MRE11: variants seen among roughly 807,000 people sequenced by gnomAD.
MRE11 encodes the protein MRE11 double strand break repair nuclease, also known as double-strand break repair protein MRE11.
A neutral mutation model predicts 91.7 loss-of-function variants in MRE11; 62 were observed. The observed-to-expected ratio is 0.68, with a 90% CI of 0.55 to 0.84. The LOEUF (loss-of-function observed/expected upper bound fraction) is 0.84. MRE11 is among the 40% of genes least tolerant of loss of function. The pLI is 0.00. For synonymous variants in MRE11, 273 were observed against 271.4 expected, an observed-to-expected ratio of 1.01 and a Z score of -0.06; for missense variants, 796 against 852.9, an observed-to-expected ratio of 0.93 and a Z score of 0.83.
chr11:94,498,598 A>G, upstream of MRE11: 1 of 1,367,008 alleles, frequency 7.3e-7, no homozygotes, highest in East Asian at 2.3e-5. Flanking sequence ...GTATTCCCAT[A>G]ATCAAAGTTG....
chr11:94,475,741 C>G (rs895759256), intron 7 of MRE11: 2 of 410,796 alleles, frequency 4.9e-6, no homozygotes, highest in African/African-American at 4.2e-5. Context: ...ATGTTCATAA[C>G]AGCAAGGTTT....
intron 16 of MRE11, among the ~76,000 whole-genome samples, chr11:94,438,498 T>C (rs1945685561): frequency 6.6e-6 from 1 of 152,238 alleles, no homozygotes. Flanking sequence ...CTCAAAAGGC[T>C]AGACAGAGCA....
intron 17 of MRE11, 80 bp from the exon 18 acceptor site, chr11:94,435,979 C>T (rs748053781): frequency 8.0e-6 from 10 of 1,257,656 alleles, no homozygotes; most frequent in Non-Finnish European, 7.0e-6. Context: ...ATGAATTACA[C>T]GATTAAATCT....
rs372000848 is a variant in MRE11 at position 94,470,575 on chromosome 11, G to A, written c.913C>T (p.Arg305Trp). Residue 305 changes from arginine (R) to tryptophan (W), a missense_variant, in exon 9 of 20, where the codon CGG becomes TGG. Physicochemically the swap from Arg to Trp is moderately radical, Grantham distance 101. Coordinates refer to ENST00000323929, the MANE Select transcript of MRE11 (RefSeq NM_005591.4). ...ACAATATCCTCCATGAAAAACTGCC[G>A]CACTGTGTGAAGAGGAATTTTATGC... is the stretch of plus-strand genomic sequence containing the variant. ...NMHKIPLHTV[R>W]QFFMEDIVLA... 5.0e-5 allele frequency: 81 copies of A among 1,613,034 alleles called. No individual in the cohort carries two copies. The highest frequency in any genetic ancestry group is 6.0e-5 in the Non-Finnish European group (71 of 1,179,340).
chr11:94,467,922 A>T, intron 9 of MRE11, 29 bp from the exon 10 acceptor site: 1 of 1,572,790 alleles, frequency 6.4e-7, no homozygotes, highest in Non-Finnish European at 8.7e-7. Context: ...ATTAAAAAAC[A>T]ACGTAGTAAA....
rs1946602132 is a variant in MRE11 at position 94,467,738 on chromosome 11, C to T, written c.1098+75G>A. 6.7e-6 allele frequency: 9 copies of T among 1,342,086 alleles called. No individual in the cohort carries two copies. The East Asian group carries it at 1.9e-4, about 28-fold the overall frequency. The allele number at this position is 1,342,086 out of a possible 1,614,324, so 83.1% of individuals were successfully genotyped here. On this transcript the variant is annotated intron_variant, in intron 10 of 19. Transcript: ENST00000323929. Reference sequence around the variant, plus strand: ...TATGAGCACTCTCCTCACTACTTTTCAAAGAAACCATGTAAACTGTACATT... The same window carrying T: ...TATGAGCACTCTCCTCACTACTTTTTAAAGAAACCATGTAAACTGTACATT...
rs770383803 is a variant in MRE11, at chr11:94,478,855, C to T, written c.424G>A (p.Asp142Asn). The stretch of plus-strand genomic sequence containing the variant: ...ACAAATCCAGCACAACTTAAAATGT[C>T]CAAGGCACAAAGTGCATCTGCCTAT... Reference protein sequence around the residue: ...PTGADALCALDILSCAGFVNH... With the variant: ...PTGADALCALNILSCAGFVNH... Residue 142 changes from aspartate (D) to asparagine (N), a missense_variant, in exon 6 of 20, where the codon GAC (aspartate) becomes AAC (asparagine). By Grantham distance (23) the Asp-to-Asn change is conservative. Transcript: ENST00000323929. 1 of 1,613,770 alleles carries T rather than the reference C, an allele frequency of 6.2e-7. No homozygotes were observed. Among genetic ancestry groups the T allele is most frequent in the Non-Finnish European group, 8.5e-7 (1 of 1,179,860 alleles).
chr11:94,420,031 G>A lies in MRE11; in HGVS notation c.*94C>T. The A allele has an allele frequency of 9.8e-7, 1 of 1,025,204 alleles. No individual in the cohort carries two copies. The highest frequency in any genetic ancestry group is 1.5e-6 in the Non-Finnish European group (1 of 679,710). 63.5% of individuals were successfully genotyped at this position (1,025,204 alleles called of 1,614,324 possible). ...TTCTTACTTATGGAGTTATGCTCAGGAAACAATACTTAAAATCTTAAACTG... is the reference window on the plus strand; with the variant it reads ...TTCTTACTTATGGAGTTATGCTCAGAAAACAATACTTAAAATCTTAAACTG... On this transcript the variant is annotated 3_prime_UTR_variant, in exon 20 of 20. Transcript: ENST00000323929.
chr11:94,432,596 A>C (rs1225997883), intron 18 of MRE11, among the ~76,000 whole-genome samples: 2 of 152,216 alleles, frequency 1.3e-5, no homozygotes, highest in Non-Finnish European at 2.9e-5. Flanking sequence ...TCACGAGGTC[A>C]GGAGATCCAG....
intron 3 of MRE11, among the ~76,000 whole-genome samples, chr11:94,487,796 A>G (rs1331171630): frequency 1.3e-5 from 2 of 152,236 alleles, no homozygotes; most frequent in Admixed American, 1.3e-4. Flanking sequence ...AACCTGGGTG[A>G]CGGGTAAGGA....
the MRE11 span, among the ~76,000 whole-genome samples, chr11:94,506,948 G>A: frequency 1.3e-5 from 2 of 151,780 alleles, no homozygotes; most frequent in Non-Finnish European, 2.9e-5. Context: ...ACATTTTTAT[G>A]AGTAAAAATA....
intron 16 of MRE11, among the ~76,000 whole-genome samples, chr11:94,437,857 G>T (rs1175320021): frequency 6.6e-6 from 1 of 152,128 alleles, no homozygotes; most frequent in Non-Finnish European, 1.5e-5. Context: ...AGGCGCAGTG[G>T]CTCACGCCTG....
intron 18 of MRE11, among the ~76,000 whole-genome samples, chr11:94,435,453 G>A (rs1428004875): frequency 1.3e-5 from 2 of 152,166 alleles, no homozygotes; most frequent in African/African-American, 2.4e-5. Flanking sequence ...CTATTCAGGA[G>A]GCTGAGGTGG....
intron 10 of MRE11, among the ~76,000 whole-genome samples, chr11:94,467,349 G>GA (rs35308961): frequency 1.9e-4 from 29 of 151,954 alleles, no homozygotes; most frequent in Non-Finnish European, 3.7e-4. Context: ...GTGTTACGGG[G>GA]AAAAAAATAA....
At chr11:94,421,924 T>C (rs1260821661) in intron 19 of MRE11, among the ~76,000 whole-genome samples, 2 of 152,198 alleles carry the variant, frequency 1.3e-5, no homozygotes, top group African/African-American at 4.8e-5. Flanking sequence ...AGACTTGTTA[T>C]TTCAGGGATA....
intron 3 of MRE11, among the ~76,000 whole-genome samples, chr11:94,487,489 A>G (rs1240599858): frequency 4.6e-5 from 7 of 152,202 alleles, no homozygotes; most frequent in African/African-American, 7.2e-5. Context: ...CATGAAAAAC[A>G]AAGGCAAGGC....
chr11:94,498,107 A>C (rs146992146), upstream of MRE11: 1 of 1,613,110 alleles, frequency 6.2e-7, no homozygotes, highest in Non-Finnish European at 8.5e-7. Flanking sequence ...TGAAAAGGCC[A>C]CTCACGTGAA....
the MRE11 span, among the ~76,000 whole-genome samples, chr11:94,509,977 T>C: frequency 1.3e-5 from 2 of 152,314 alleles, no homozygotes; most frequent in Middle Eastern, 3.4e-3. Context: ...TATTGACCTA[T>C]AATTTTCCTT....
At chr11:94,477,304 T>C (rs1208112498) in intron 6 of MRE11, among the ~76,000 whole-genome samples, 2 of 152,236 alleles carry the variant, frequency 1.3e-5, no homozygotes, top group African/African-American at 4.8e-5. Flanking sequence ...TAATATATTG[T>C]GCTTTTTAAA....
Sources: gnomAD v4.1 joint callset for allele counts (sites outside exome capture counted in the v4.1 genomes callset) on GRCh38, gnomAD v4.1.1 for gene constraint, MANE v1.5 for transcripts, NCBI Gene and HGNC (gene_info 2026-07-23, HGNC 2026-07-21) for gene names.